GLI2: variants seen among roughly 807,000 people sequenced by gnomAD.
GLI2 encodes transcription activator GLI2.
Under a neutral mutation model 78.9 loss-of-function variants are expected in GLI2, and 22 were observed. The observed-to-expected ratio is 0.28, with a 90% confidence interval of 0.20 to 0.40. The LOEUF (loss-of-function observed/expected upper bound fraction) is 0.40, where lower values mean the gene tolerates loss of function less well. Ranked by LOEUF, GLI2 falls within the 10% of genes least tolerant of loss-of-function variation. GLI2 has a pLI of 1.00. For missense variants in GLI2, 2,097 were observed against 2,213.2 expected, an observed-to-expected ratio of 0.95 and a Z score of 1.05; for synonymous variants, 974 against 963.7, an observed-to-expected ratio of 1.01 and a Z score of -0.20.
intron 2 of GLI2, among the ~76,000 whole-genome samples, chr2:120,798,617 T>TG (rs966486532): frequency 4.6e-5 from 7 of 152,142 alleles, no homozygotes; most frequent in African/African-American, 1.7e-4. Context: ...TCAGGCCCCT[T>TG]GGGGAGGTGG....
chr2:120,751,778 T>C (rs1319664837), intron 1 of GLI2, among the ~76,000 whole-genome samples: 1 of 152,238 alleles, frequency 6.6e-6, no homozygotes, highest in East Asian at 1.9e-4. Flanking sequence ...ATCTTCACAC[T>C]GTATTAGTGT....
At chr2:120,978,647 G>T (rs113532748) in intron 10 of GLI2, 64 bp downstream of exon 10, 13 of 1,568,386 alleles carry the variant, frequency 8.3e-6, no homozygotes, top group South Asian at 6.8e-5. Context: ...AGGCCGGGGG[G>T]ATCATGTTTG....
intron 2 of GLI2, among the ~76,000 whole-genome samples, chr2:120,810,172 T>C (rs1683635324): frequency 6.6e-6 from 1 of 152,194 alleles, no homozygotes; most frequent in South Asian, 2.1e-4. Context: ...CAGAGTGGCT[T>C]CAGGGGCCAT....
chr2:120,877,102 C>T (rs563005986), intron 2 of GLI2, among the ~76,000 whole-genome samples: 3 of 152,320 alleles, frequency 2.0e-5, no homozygotes, highest in East Asian at 3.9e-4. Context: ...CTTGGCCCAG[C>T]TCCTCAGCAT....
intron 2 of GLI2, among the ~76,000 whole-genome samples, chr2:120,919,815 G>A (rs905606726): frequency 2.1e-5 from 3 of 144,502 alleles, no homozygotes; most frequent in South Asian, 2.3e-4. Context: ...TGCAGCTACC[G>A]CACTGGCCTC....
rs749213592 is a variant in GLI2, at chr2:120,990,721, G to C, written c.*46G>C. On this transcript the variant is annotated 3_prime_UTR_variant, in exon 14 of 14. Transcript: ENST00000361492. ...GAGTGCACCCGGAGGGGTCATCGCTGCCCAGAGCCTGGGGATTCCAGCTGT... is the reference window on the plus strand; with the variant it reads ...GAGTGCACCCGGAGGGGTCATCGCTCCCCAGAGCCTGGGGATTCCAGCTGT... The C allele has an allele frequency of 2.0e-6, 3 of 1,501,672 alleles. No individual in the cohort carries two copies. The highest frequency in any genetic ancestry group is 1.8e-6 in the Non-Finnish European group (2 of 1,095,546). The allele number at this position is 1,501,672 out of a possible 1,614,324, so 93.0% of individuals were successfully genotyped here.
intron 1 of GLI2, among the ~76,000 whole-genome samples, chr2:120,753,348 G>A (rs1682936371): frequency 6.6e-6 from 1 of 152,082 alleles, no homozygotes; most frequent in Admixed American, 6.5e-5. Context: ...TACCTGCGTC[G>A]ACCTCTGAAA....
chr2:120,749,165 A>G (rs1447656214), intron 1 of GLI2, among the ~76,000 whole-genome samples: 1 of 152,088 alleles, frequency 6.6e-6, no homozygotes, highest in Non-Finnish European at 1.5e-5. Context: ...CTGCCTTGCC[A>G]TTGTCTGTTT....
chr2:120,754,112 C>G (rs552291256), intron 1 of GLI2, among the ~76,000 whole-genome samples: 13 of 151,988 alleles, frequency 8.6e-5, no homozygotes, highest in African/African-American at 3.1e-4. Flanking sequence ...ACATTATAAC[C>G]ATTTGGTAAT....
chr2:120,786,825 A>C (rs1450348575), intron 1 of GLI2, among the ~76,000 whole-genome samples: 3 of 152,182 alleles, frequency 2.0e-5, no homozygotes, highest in Admixed American at 6.5e-5. Context: ...TCTCCAACCC[A>C]GCCCTCCCTT....
chr2:120,870,807 TGA>T (rs1688388886), intron 2 of GLI2, among the ~76,000 whole-genome samples: 1 of 152,192 alleles, frequency 6.6e-6, no homozygotes, highest in Non-Finnish European at 1.5e-5. Context: ...TTCTGTGATA[TGA>T]GAGACTCTTC....
intron 1 of GLI2, among the ~76,000 whole-genome samples, chr2:120,777,693 T>G: frequency 7.6e-6 from 1 of 131,118 alleles, no homozygotes; most frequent in Non-Finnish European, 1.6e-5. Context: ...CTTGGGCCAT[T>G]GGATCCCAGG....
intron 5 of GLI2, among the ~76,000 whole-genome samples, chr2:120,958,393 C>T (rs1303178424): frequency 1.3e-5 from 2 of 152,146 alleles, no homozygotes; most frequent in African/African-American, 4.8e-5. Context: ...GCCCAGGCCC[C>T]AGGTTCTCCC....
chr2:120,855,715 C>T (rs1050775185), intron 2 of GLI2, among the ~76,000 whole-genome samples: 1 of 152,184 alleles, frequency 6.6e-6, no homozygotes, highest in Non-Finnish European at 1.5e-5. Flanking sequence ...CCTCCAACAG[C>T]CCTGGTAACA....
chr2:120,823,391 A>G (rs4848639), intron 2 of GLI2, among the ~76,000 whole-genome samples: 150,790 of 152,298 alleles, frequency 0.99, 74,653 homozygotes, highest in Middle Eastern at 1. Context: ...GTAAACCCAC[A>G]TTTCTGGGTG....
chr2:120,909,040 G>A (rs948573250), intron 2 of GLI2, among the ~76,000 whole-genome samples: 4 of 152,142 alleles, frequency 2.6e-5, no homozygotes, highest in African/African-American at 9.7e-5. Flanking sequence ...GTGCTGAGGA[G>A]TTAACCTCCA....
intron 2 of GLI2, among the ~76,000 whole-genome samples, chr2:120,834,818 GGCATGAT>G (rs1472690417): frequency 6.6e-6 from 1 of 152,002 alleles, no homozygotes; most frequent in East Asian, 1.9e-4. Context: ...TTATGCACAA[GGCATGAT>G]CCTGGTGTTG....
chr2:120,888,437 A>G (rs1677519902), intron 2 of GLI2, among the ~76,000 whole-genome samples: 1 of 152,240 alleles, frequency 6.6e-6, no homozygotes, highest in Non-Finnish European at 1.5e-5. Context: ...CCTTTTGAAC[A>G]GCACCGCCAT....
At chr2:120,935,800 G>A (rs913279632) in intron 3 of GLI2, among the ~76,000 whole-genome samples, 3 of 152,214 alleles carry the variant, frequency 2.0e-5, no homozygotes, top group Admixed American at 6.5e-5. Context: ...GGGACAGACA[G>A]CTCATTTATA....
Sources: gnomAD v4.1 joint callset for allele counts (sites outside exome capture counted in the v4.1 genomes callset) on GRCh38, gnomAD v4.1.1 for gene constraint, MANE v1.5 for transcripts, NCBI Gene and HGNC (gene_info 2026-07-23, HGNC 2026-07-21) for gene names.